Variants in SP100 observed in about 807,000 individuals in gnomAD.
SP100 encodes SP100 nuclear body protein.
A neutral mutation model predicts 130.0 loss-of-function variants in SP100; 84 were observed. The observed-to-expected ratio is 0.65, with a 90% CI of 0.54 to 0.77. The LOEUF (loss-of-function observed/expected upper bound fraction) is 0.77, where lower values mean the gene tolerates loss of function less well. SP100 is among the 30% of genes least tolerant of loss of function. The pLI is 0.00. For missense variants in SP100, 978 were observed against 1,052.2 expected (o/e 0.93, Z 0.97); for synonymous variants, 331 against 351.7 (o/e 0.94, Z 0.66).
At chr2:230,430,037 A>G (rs1290971948) in intron 2 of SP100, among the ~76,000 whole-genome samples, 1 of 152,168 alleles carries the variant, frequency 6.6e-6, no homozygotes, top group East Asian at 1.9e-4. Context: ...TTTATGATCC[A>G]TGCATCCTAT....
At chr2:230,433,937 A>T (rs1315884203) in intron 2 of SP100, among the ~76,000 whole-genome samples, 2 of 149,198 alleles carry the variant, frequency 1.3e-5, no homozygotes, top group Non-Finnish European at 3.0e-5. Context: ...GGGTTATTAA[A>T]TATACTTACT....
chr2:230,535,896 G>C (rs1231968986), intron 24 of SP100, among the ~76,000 whole-genome samples: 2 of 85,942 alleles, frequency 2.3e-5, no homozygotes, highest in African/African-American at 1.1e-4. Flanking sequence ...GACAGAGCAA[G>C]ACTCCATCTC....
chr2:230,509,873 A>G (rs557987740), intron 23 of SP100: 19 of 152,346 alleles, frequency 1.2e-4, no homozygotes, highest in African/African-American at 4.3e-4. Context: ...GCACTTATGT[A>G]TCCATTAAAC....
chr2:230,459,414 T>G (rs898923127), intron 8 of SP100, among the ~76,000 whole-genome samples: 1 of 152,070 alleles, frequency 6.6e-6, no homozygotes, highest in Non-Finnish European at 1.5e-5. Context: ...CAGATTACAA[T>G]AAGCCTCTCC....
chr2:230,473,503 G>T, intron 16 of SP100, 63 bp downstream of exon 16: 1 of 971,928 alleles, frequency 1.0e-6, no homozygotes, highest in Non-Finnish European at 1.7e-6. Flanking sequence ...CACTGGGTAG[G>T]GATGTGGGAA....
intron 18 of SP100, among the ~76,000 whole-genome samples, chr2:230,497,190 T>C (rs1191701994): frequency 1.3e-5 from 2 of 152,188 alleles, no homozygotes; most frequent in Non-Finnish European, 2.9e-5. Flanking sequence ...CCAAATCTTC[T>C]AGTAAGTAGA....
chr2:230,484,976 C>G (rs1270980627), intron 17 of SP100, among the ~76,000 whole-genome samples: 1 of 152,084 alleles, frequency 6.6e-6, no homozygotes, highest in Non-Finnish European at 1.5e-5. Flanking sequence ...GTCACTCAGG[C>G]TGGAGTGCAG....
chr2:230,461,255 C>A lies in SP100; in HGVS notation c.821-7C>A. 1 of 1,612,336 alleles carries A rather than the reference C, an allele frequency of 6.2e-7. No individual in the cohort carries two copies. On this transcript the variant is annotated splice_polypyrimidine_tract_variant and splice_region_variant and intron_variant, in intron 8 of 28. Coordinates refer to ENST00000340126, the MANE Select transcript of SP100 (RefSeq NM_001080391.2). ...ACAAATGAAAATTCTTCATTTATTA[C>A]AATTAGGCCCAGAGGCAGAGCTACA...
chr2:230,479,542 G>C (rs1288205953), intron 17 of SP100, among the ~76,000 whole-genome samples: 2 of 151,964 alleles, frequency 1.3e-5, no homozygotes, highest in Non-Finnish European at 2.9e-5. Context: ...TTGTAAATTA[G>C]ACCACAGCTG....
At chr2:230,488,691 G>A (rs1012035819) in intron 17 of SP100, among the ~76,000 whole-genome samples, 4 of 152,212 alleles carry the variant, frequency 2.6e-5, no homozygotes, top group Admixed American at 6.5e-5. Context: ...GGGATTACAG[G>A]CGTGAGCCAC....
intron 8 of SP100, among the ~76,000 whole-genome samples, chr2:230,454,250 T>A (rs924583766): frequency 4.6e-5 from 7 of 152,098 alleles, no homozygotes; most frequent in African/African-American, 1.7e-4. Context: ...GTGCTTTGTT[T>A]TGTTGATCTC....
intron 2 of SP100, among the ~76,000 whole-genome samples, chr2:230,423,052 T>C (rs1407498218): frequency 1.3e-5 from 2 of 152,204 alleles, no homozygotes; most frequent in Non-Finnish European, 2.9e-5. Flanking sequence ...TTAGAATGAT[T>C]TGTTTAATAC....
At chr2:230,508,204 T>A (rs1394791734) in intron 23 of SP100, 173 bp downstream of exon 23, 2 of 1,023,782 alleles carry the variant, frequency 2.0e-6, no homozygotes, top group Admixed American at 3.3e-5. Flanking sequence ...CCAGGGCTCC[T>A]TTGAACATCA....
chr2:230,496,517 T>C (rs1242918192), intron 18 of SP100, among the ~76,000 whole-genome samples: 2 of 152,100 alleles, frequency 1.3e-5, no homozygotes, highest in African/African-American at 4.8e-5. Flanking sequence ...GTCCTCATAC[T>C]ATATAGGTTG....
Position 230,444,207 on chromosome 2 carries a change from C to T in SP100, c.300C>T (p.Val100=). The change falls in exon 4 of 29, where the codon GTC becomes GTT. Residue 100 remains valine (V), a synonymous_variant. Coordinates refer to ENST00000340126, the MANE Select transcript of SP100 (RefSeq NM_001080391.2). ...CTCAAGATTCTTGTAGAAACCTGGT[C>T]CCTGTACAGAGAGTGGTGTACAATG... ...EDSQDSCRNL[V]PVQRVVYNVL... 1 of 1,601,246 alleles carries T rather than the reference C, an allele frequency of 6.2e-7. No individual in the cohort carries two copies. The highest frequency in any genetic ancestry group is 8.5e-7 in the Non-Finnish European group (1 of 1,175,286).
At chr2:230,540,365 G>A (rs1209014615) in intron 25 of SP100, among the ~76,000 whole-genome samples, 2 of 152,224 alleles carry the variant, frequency 1.3e-5, no homozygotes, top group Non-Finnish European at 2.9e-5. Context: ...CCTCTCTGGA[G>A]ATTTCCTTTT....
chr2:230,509,275 T>C (rs570687179), intron 23 of SP100: 117 of 152,306 alleles, frequency 7.7e-4, no homozygotes, highest in African/African-American at 2.8e-3. Flanking sequence ...AGGAAGGAGA[T>C]GGAAGAACTT....
In SP100 at chr2:230,539,302, A is replaced by G. The variant is rs377607518; in HGVS notation, c.2130A>G (p.Lys710=). The stretch of plus-strand genomic sequence containing the variant: ...CAAATATATGTGAGGTGTGCAACAA[A>G]TGGGGACGGCTGTTCTGCTGCGACA... ...ENSNICEVCN[K]WGRLFCCDTC... Residue 710 remains lysine (K), a synonymous_variant, in exon 25 of 29, where the codon AAA becomes AAG. Coordinates refer to ENST00000340126, the MANE Select transcript of SP100 (RefSeq NM_001080391.2). 28 of 1,613,826 alleles carry G rather than the reference A, an allele frequency of 1.7e-5. No individual in the cohort carries two copies. The highest frequency in any genetic ancestry group is 9.9e-5 in the South Asian group (9 of 91,082).
At chr2:230,461,465 A>C (rs752729890) in intron 9 of SP100, 51 bp downstream of exon 9, 1 of 1,587,140 alleles carries the variant, frequency 6.3e-7, no homozygotes, top group Non-Finnish European at 8.6e-7. Context: ...TTACCAGGTA[A>C]GGGGCTCAGG....
Sources: allele counts gnomAD v4.1 joint callset (sites outside exome capture counted in the v4.1 genomes callset), GRCh38; gene constraint gnomAD v4.1.1; transcripts MANE v1.5; gene names NCBI Gene and HGNC (gene_info 2026-07-23, HGNC 2026-07-21).